Variants in PDCD1LG2 observed in about 807,000 individuals in gnomAD.
PDCD1LG2 encodes B7 dendritic cell molecule.
PDCD1LG2 carries 32 observed loss-of-function variants against 28.2 expected under a neutral mutation model. That is an observed-to-expected ratio of 1.13 (90% CI 0.86 to 1.52). The LOEUF is 1.52. Among genes scored for constraint, PDCD1LG2 ranks in the 40% most tolerant of loss-of-function variants. The probability of loss-of-function intolerance (pLI) is 0.00; values close to 1 mark genes in which losing one functional copy is unlikely to be tolerated. For synonymous variants in PDCD1LG2, 116 were observed against 120.2 expected (o/e 0.97, Z 0.23); for missense variants, 385 against 323.8 (o/e 1.19, Z -1.45).
intron 1 of PDCD1LG2, among the ~76,000 whole-genome samples, chr9:5,518,674 T>C (rs1182242837): frequency 3.9e-5 from 6 of 152,228 alleles, no homozygotes; most frequent in Non-Finnish European, 7.3e-5. Context: ...AGAATACAGC[T>C]CACTGAGGAC....
intron 4 of PDCD1LG2, among the ~76,000 whole-genome samples, chr9:5,557,229 AAAAG>A (rs1165460016): frequency 1.3e-5 from 2 of 150,652 alleles, no homozygotes; most frequent in Non-Finnish European, 3.0e-5. Context: ...AAAAAGAGAA[AAAAG>A]AAAGAAAGAT....
chr9:5,557,577 G>A (rs113598085), intron 4 of PDCD1LG2, 41 bp from the exon 5 acceptor site: 4 of 1,611,718 alleles, frequency 2.5e-6, no homozygotes. Context: ...CTACCTCTTA[G>A]TTGCCATGTA....
At chr9:5,526,421 T>C (rs190551339) in intron 2 of PDCD1LG2, among the ~76,000 whole-genome samples, 70 of 152,272 alleles carry the variant, frequency 4.6e-4, no homozygotes, top group Non-Finnish European at 7.9e-4. Flanking sequence ...ATGCCCTTTA[T>C]TTTTACCTTT....
chr9:5,528,512 C>T (rs1234777126), intron 2 of PDCD1LG2, among the ~76,000 whole-genome samples: 1 of 151,172 alleles, frequency 6.6e-6, no homozygotes, highest in African/African-American at 2.4e-5. Flanking sequence ...CTTGTGTTTC[C>T]CAGGCCAGTC....
chr9:5,559,134 C>A (rs1445586646), intron 5 of PDCD1LG2, among the ~76,000 whole-genome samples: 1 of 152,180 alleles, frequency 6.6e-6, no homozygotes, highest in Non-Finnish European at 1.5e-5. Flanking sequence ...GAGTCACACT[C>A]AAAGATAGAG....
rs140560022 is a variant in PDCD1LG2, at chr9:5,559,937, C to T, written c.766+2185C>T. On this transcript the variant is annotated intron_variant, in intron 5 of 6. Transcript: ENST00000397747. ...CAGAGGCATGGCAGTCTTTCAATTC[C>T]GAGTTTTCTCATACAATATTGTCTC... Among the ~76,000 whole-genome samples the T allele has an allele frequency of 4.2e-3, 642 of 152,226 alleles. 13 individuals are homozygous for T. The highest frequency in any genetic ancestry group is 0.016 in the East Asian group (85 of 5,168).
At chr9:5,515,922 C>CAAAAAAAAAAAAAAAAAAAAAAA (rs1204038026) in intron 1 of PDCD1LG2, among the ~76,000 whole-genome samples, 1 of 30,296 alleles carries the variant, frequency 3.3e-5, no homozygotes, top group Non-Finnish European at 6.0e-5. Flanking sequence ...GACTCCATCT[C>CAAAAAAAAAAAAAAAAAAAAAAA]AAAAAAAAAA....
chr9:5,547,072 T>C (rs559263872), intron 3 of PDCD1LG2, among the ~76,000 whole-genome samples: 3 of 152,342 alleles, frequency 2.0e-5, no homozygotes, highest in Non-Finnish European at 2.9e-5. Context: ...AAGAACGGCA[T>C]GAACATTCCT....
At chr9:5,564,369 TA>T in intron 6 of PDCD1LG2, among the ~76,000 whole-genome samples, 1 of 152,298 alleles carries the variant, frequency 6.6e-6, no homozygotes, top group East Asian at 1.9e-4. Context: ...TTGGATGCAA[TA>T]GCAATGAATA....
intron 4 of PDCD1LG2, among the ~76,000 whole-genome samples, chr9:5,550,430 T>G (rs143150243): frequency 1.1e-3 from 171 of 152,314 alleles, no homozygotes; most frequent in African/African-American, 3.8e-3. Flanking sequence ...TGCTCTTATA[T>G]CAAATTACCA....
intron 2 of PDCD1LG2, among the ~76,000 whole-genome samples, chr9:5,531,061 A>G (rs1036187491): frequency 9.2e-5 from 14 of 152,248 alleles, no homozygotes; most frequent in African/African-American, 3.1e-4. Flanking sequence ...CAGGAAAAGA[A>G]AATCTTTAAT....
chr9:5,511,417 T>C (rs1474262382), intron 1 of PDCD1LG2, among the ~76,000 whole-genome samples: 1 of 152,202 alleles, frequency 6.6e-6, no homozygotes, highest in African/African-American at 2.4e-5. Flanking sequence ...TTGCTATTGA[T>C]TGCTCACCGC....
chr9:5,567,340 C>G (rs1816685779), intron 6 of PDCD1LG2, among the ~76,000 whole-genome samples: 1 of 152,236 alleles, frequency 6.6e-6, no homozygotes, highest in Non-Finnish European at 1.5e-5. Flanking sequence ...GGAGCTAGAA[C>G]TCAGACCCAC....
intron 2 of PDCD1LG2, among the ~76,000 whole-genome samples, chr9:5,529,485 CTT>C (rs1820441214): frequency 1.3e-5 from 2 of 152,144 alleles, no homozygotes; most frequent in African/African-American, 4.8e-5. Flanking sequence ...TATTTCTGGA[CTT>C]TTTGTTCCAT....
chr9:5,544,407 A>ATCT (rs1345599938), intron 3 of PDCD1LG2, among the ~76,000 whole-genome samples: 1 of 152,184 alleles, frequency 6.6e-6, no homozygotes, highest in African/African-American at 2.4e-5. Flanking sequence ...GAAGAGATAC[A>ATCT]TCTTCTGCTG....
chr9:5,549,642 G>A (rs1816287127), intron 4 of PDCD1LG2, 38 bp downstream of exon 4: 1 of 1,607,916 alleles, frequency 6.2e-7, no homozygotes, highest in African/African-American at 1.3e-5. Flanking sequence ...TATCAGTTAG[G>A]GTTCAGACAA....
chr9:5,558,545 T>C (rs1816493614), intron 5 of PDCD1LG2, among the ~76,000 whole-genome samples: 1 of 152,234 alleles, frequency 6.6e-6, no homozygotes, highest in African/African-American at 2.4e-5. Context: ...CATGGCCTCA[T>C]CTATAGAAAG....
At chr9:5,533,839 T>A (rs1169103861) in intron 2 of PDCD1LG2, among the ~76,000 whole-genome samples, 1 of 151,664 alleles carries the variant, frequency 6.6e-6, no homozygotes, top group African/African-American at 2.4e-5. Flanking sequence ...TATATAACCA[T>A]AATGACAAAA....
At chr9:5,553,409 T>C (rs954706663) in intron 4 of PDCD1LG2, among the ~76,000 whole-genome samples, 4 of 152,226 alleles carry the variant, frequency 2.6e-5, no homozygotes, top group Non-Finnish European at 5.9e-5. Flanking sequence ...TCGTTCGTTA[T>C]ATGGAATTTC....
Sources: allele counts gnomAD v4.1 joint callset (sites outside exome capture counted in the v4.1 genomes callset), GRCh38; gene constraint gnomAD v4.1.1; transcripts MANE v1.5; gene names NCBI Gene and HGNC (gene_info 2026-07-23, HGNC 2026-07-21).